SEPTIN7: variants seen among roughly 807,000 people sequenced by gnomAD.
The protein encoded by SEPTIN7 is septin-7.
SEPTIN7 carries 10 observed loss-of-function variants against 63.3 expected under a neutral mutation model. The ratio of observed to expected loss-of-function variants is 0.16; its 90% CI spans 0.10 to 0.27. The LOEUF (loss-of-function observed/expected upper bound fraction) is 0.27. Among genes scored for constraint, SEPTIN7 ranks in the 10% least tolerant of loss-of-function variants. The pLI, the probability that SEPTIN7 is intolerant of heterozygous loss-of-function variation, is 1.00. For missense variants in SEPTIN7, 310 were observed against 521.0 expected (o/e 0.59, Z 3.94); for synonymous variants, 131 against 165.3 (o/e 0.79, Z 1.59).
In SEPTIN7 at chr7:35,848,059, C is replaced by T. The variant is rs1174900826; in HGVS notation, c.169+15159C>T. ...CTCCTTTACTTACACTCCAGCATGCCACGTGGCCAGCTGTAAGTTGCCCTC... is the reference window on the plus strand; with the variant it reads ...CTCCTTTACTTACACTCCAGCATGCTACGTGGCCAGCTGTAAGTTGCCCTC... On this transcript the variant is annotated intron_variant, in intron 3 of 13. Transcript: ENST00000350320. 4 of 152,292 alleles carry T rather than the reference C, an allele frequency of 2.6e-5. No homozygotes were observed. In the East Asian group the frequency reaches 7.7e-4, roughly 29 times the overall value. The allele number at this position is 152,292 out of a possible 1,614,324, so 9.4% of individuals were successfully genotyped here.
At chr7:35,909,868 A>G (rs1401493134), downstream of SEPTIN7, among the ~76,000 whole-genome samples, 2 of 152,268 alleles carry the variant, frequency 1.3e-5, no homozygotes, top group East Asian at 1.9e-4. Context: ...AGTAACATTC[A>G]TTATCTTAGT....
chr7:35,907,755 C>T (rs1217777706), downstream of SEPTIN7, among the ~76,000 whole-genome samples: 8 of 152,200 alleles, frequency 5.3e-5, no homozygotes, highest in Non-Finnish European at 1.2e-4. Context: ...CCTGGAGAAG[C>T]AGAAAGCACC....
chr7:35,903,319 C>A, intron 13 of SEPTIN7, 104 bp downstream of exon 13: 1 of 1,408,146 alleles, frequency 7.1e-7, no homozygotes, highest in East Asian at 2.6e-5. Flanking sequence ...AAGTCATCAC[C>A]CATTATCATG....
At position 35,801,181 on chromosome 7, in the gene SEPTIN7, C is replaced by T. The variant is rs1294470735; in HGVS notation, c.-29C>T. ...TGGAGAATCGGCGGGCTGCGCTCCGCTGGGGCTGGTCGCGGAGGGGGGGAG... is the reference window on the plus strand; with the variant it reads ...TGGAGAATCGGCGGGCTGCGCTCCGTTGGGGCTGGTCGCGGAGGGGGGGAG... On this transcript the variant is annotated 5_prime_UTR_variant, in exon 1 of 14. Transcript: ENST00000350320. 4.0e-6 allele frequency: 6 copies of T among 1,483,584 alleles called. No homozygotes were observed. Among genetic ancestry groups the T allele is most frequent in the Admixed American group, 4.8e-5 (2 of 41,644 alleles). The allele number at this position is 1,483,584 out of a possible 1,614,324, so 91.9% of individuals were successfully genotyped here. A position where few individuals can be genotyped will look rare whatever the true frequency, so the allele number is the denominator to read the frequency against.
intron 10 of SEPTIN7, among the ~76,000 whole-genome samples, chr7:35,888,331 G>C (rs1156502077): frequency 6.6e-6 from 1 of 152,050 alleles, no homozygotes; most frequent in Non-Finnish European, 1.5e-5. Context: ...TCGTATAGAA[G>C]ACTTTAGTGA....
intron 1 of SEPTIN7, among the ~76,000 whole-genome samples, chr7:35,824,614 A>G (rs1479273943): frequency 1.3e-5 from 2 of 152,336 alleles, no homozygotes; most frequent in Admixed American, 1.3e-4. Context: ...CTCACCATTC[A>G]TCTTAATTGC....
intron 3 of SEPTIN7, among the ~76,000 whole-genome samples, chr7:35,858,529 T>C (rs1785326777): frequency 6.6e-6 from 1 of 151,886 alleles, no homozygotes; most frequent in South Asian, 2.1e-4. Context: ...CTAATTTTTG[T>C]ATTTTTAGTA....
intron 3 of SEPTIN7, among the ~76,000 whole-genome samples, chr7:35,839,513 AT>A (rs1784296611): frequency 7.7e-6 from 1 of 130,276 alleles, no homozygotes; most frequent in Non-Finnish European, 1.7e-5. Context: ...ATATGCTATA[AT>A]TTTTGTAATT....
intron 11 of SEPTIN7, among the ~76,000 whole-genome samples, chr7:35,892,674 A>G (rs1424023175): frequency 6.6e-6 from 1 of 152,160 alleles, no homozygotes; most frequent in African/African-American, 2.4e-5. Flanking sequence ...ATTCATGGAA[A>G]AATAGAAAAC....
At chr7:35,804,725 T>A (rs1788211040) in intron 1 of SEPTIN7, among the ~76,000 whole-genome samples, 2 of 152,192 alleles carry the variant, frequency 1.3e-5, no homozygotes, top group East Asian at 3.8e-4. Flanking sequence ...TAGAGCCTAC[T>A]ATACACCTGG....
intron 10 of SEPTIN7, among the ~76,000 whole-genome samples, chr7:35,887,517 T>C (rs1787335068): frequency 6.6e-6 from 1 of 152,208 alleles, no homozygotes; most frequent in South Asian, 2.1e-4. Flanking sequence ...TGACTAATTT[T>C]TGTATTTTTA....
At chr7:35,815,793 A>G (rs1367882334) in intron 1 of SEPTIN7, among the ~76,000 whole-genome samples, 3 of 151,902 alleles carry the variant, frequency 2.0e-5, no homozygotes, top group Non-Finnish European at 4.4e-5. Context: ...ATTTGTTACT[A>G]TTTCTTTTCA....
intron 3 of SEPTIN7, chr7:35,847,292 G>T: frequency 6.3e-6 from 1 of 159,996 alleles, no homozygotes; most frequent in South Asian, 1.7e-4. Flanking sequence ...CTTGAACTAT[G>T]GGACCACTCT....
chr7:35,867,512 G>T (rs1785880354), intron 4 of SEPTIN7, among the ~76,000 whole-genome samples: 1 of 152,106 alleles, frequency 6.6e-6, no homozygotes, highest in African/African-American at 2.4e-5. Flanking sequence ...ACCACGCCTG[G>T]CTAATTTTTG....
At position 35,801,221 on chromosome 7, in the gene SEPTIN7, T is replaced by C. The variant is rs765776685; in HGVS notation, c.12T>C (p.Ser4=). 8.5e-6 allele frequency: 13 copies of C among 1,531,866 alleles called. No individual in the cohort carries two copies. The East Asian group carries it at 2.4e-4, about 28-fold the overall frequency. 94.9% of individuals were successfully genotyped at this position (1,531,866 alleles called of 1,614,324 possible). The change falls in exon 1 of 14, where the codon AGT becomes AGC. Residue 4 remains serine, a synonymous_variant. Coordinates refer to ENST00000350320, the MANE Select transcript of SEPTIN7 (RefSeq NM_001788.6). ...GAGGGGGGGAGGGGATGTCGGTCAG[T>C]GCGAGATCCGCTGCTGCTGAGGAGA... MSV[S]ARSAAAEERS...
intron 3 of SEPTIN7, among the ~76,000 whole-genome samples, chr7:35,842,784 G>T (rs1784471226): frequency 6.6e-6 from 1 of 151,968 alleles, no homozygotes; most frequent in Admixed American, 6.6e-5. Context: ...TTTTTCCTAG[G>T]ATATTTGAGA....
intron 1 of SEPTIN7, chr7:35,802,242 C>A: frequency 5.7e-6 from 2 of 353,054 alleles, no homozygotes; most frequent in South Asian, 2.3e-5. Context: ...TTACATTTTC[C>A]ACTCCTGAGT....
intron 3 of SEPTIN7, among the ~76,000 whole-genome samples, chr7:35,839,407 A>G (rs533574549): frequency 1.6e-4 from 25 of 152,334 alleles, no homozygotes; most frequent in African/African-American, 5.5e-4. Context: ...TAATCTCATA[A>G]TAATGCTGCA....
the SEPTIN7 span, among the ~76,000 whole-genome samples, chr7:35,915,145 A>T: frequency 6.6e-6 from 1 of 152,146 alleles, no homozygotes; most frequent in East Asian, 1.9e-4. Flanking sequence ...GCATATACAC[A>T]TGTATACATG....
Sources: gnomAD v4.1 joint callset for allele counts (sites outside exome capture counted in the v4.1 genomes callset) on GRCh38, gnomAD v4.1.1 for gene constraint, MANE v1.5 for transcripts, NCBI Gene and HGNC (gene_info 2026-07-23, HGNC 2026-07-21) for gene names.